The following TBC1D21 variants were observed in gnomAD, a reference collection of about 807,000 sequenced individuals.
TBC1D21 encodes the protein male germ cell Rab GTPase-activating protein.
TBC1D21 carries 38 observed loss-of-function variants against 46.0 expected under a neutral mutation model. That is an observed-to-expected ratio of 0.83 (90% CI 0.64 to 1.08). The LOEUF is 1.08. Among genes scored for constraint, TBC1D21 ranks in the 50% least tolerant of loss-of-function variants. TBC1D21 has a pLI of 0.00. For synonymous variants in TBC1D21, 151 were observed against 157.2 expected, an observed-to-expected ratio of 0.96 and a Z score of 0.29; for missense variants, 415 against 417.9, an observed-to-expected ratio of 0.99 and a Z score of 0.06.
rs748814829 is a variant in TBC1D21, at chr15:73,886,519, G to T, written c.684G>T (p.Lys228Asn). 118 of 1,613,580 alleles carry T rather than the reference G, an allele frequency of 7.3e-5. No individual in the cohort carries two copies. The highest frequency in any genetic ancestry group is 2.2e-4 in the Admixed American group (13 of 60,006). The change falls in exon 8 of 11, where the codon AAG (lysine) becomes AAT (asparagine). Residue 228 changes from lysine (K) to asparagine (N), a missense_variant. Physicochemically the swap from Lys to Asn is moderately conservative, Grantham distance 94. Coordinates refer to ENST00000300504, the MANE Select transcript of TBC1D21 (RefSeq NM_153356.3). ...DPVFAEHLKG[K>N]GAGAVQSLFP... ...CACCTTCTCTCCCCACAGAAGGGAAGGGTGCAGGGGCTGTGCAGTCCCTCT... is the reference window on the plus strand; with the variant it reads ...CACCTTCTCTCCCCACAGAAGGGAATGGTGCAGGGGCTGTGCAGTCCCTCT...
rs2068057275 is a variant in TBC1D21, at chr15:73,876,199, G to GGTC, written c.60+2430_60+2431insGTC. Among the ~76,000 whole-genome samples, 2 of 28,314 alleles carry GGTC rather than the reference G, an allele frequency of 7.1e-5. 1 individual carries two copies. The highest frequency in any genetic ancestry group is 3.7e-4 in the Non-Finnish European group (2 of 5,336). The allele number at this position is 28,314 out of a possible 152,430, so 18.6% of individuals were successfully genotyped here. A position where few individuals can be genotyped will look rare whatever the true frequency, so the allele number is the denominator to read the frequency against. ...GAAGAATCAGTGACTTTTTTTGTGG[G>GGTC]TTTTTTTTTTTTTTTTTTTTTTTTT... On this transcript the variant is annotated intron_variant, in intron 1 of 10. Transcript: ENST00000300504.
intron 1 of TBC1D21, among the ~76,000 whole-genome samples, chr15:73,880,304 C>CCACACA (rs57897774): frequency 0.061 from 9,070 of 149,180 alleles, 515 homozygotes; most frequent in East Asian, 0.26. Flanking sequence ...CAGATATATA[C>CCACACA]CACACACACA....
At chr15:73,878,103 T>C (rs11636136) in intron 1 of TBC1D21, among the ~76,000 whole-genome samples, 62,263 of 152,128 alleles carry the variant, frequency 0.41, 15,050 homozygotes, top group Middle Eastern at 0.6. Flanking sequence ...AAGGTATTCA[T>C]ACTTGAAAGG....
At position 73,873,644 on chromosome 15, in the gene TBC1D21, G is replaced by A. The variant is rs907739444; in HGVS notation, c.-66G>A. 2 of 1,540,552 alleles carry A rather than the reference G, an allele frequency of 1.3e-6. No individual in the cohort carries two copies. The highest frequency in any genetic ancestry group is 2.7e-5 in the African/African-American group (2 of 72,926). The stretch of plus-strand genomic sequence containing the variant: ...TGGGAATGCAACCCATCTCCGAAAA[G>A]GATTAAGCATCACTAGGGCTCCAAG... On this transcript the variant is annotated 5_prime_UTR_variant, in exon 1 of 11. Transcript: ENST00000300504.
At chr15:73,886,237 C>T (rs1034217389) in intron 7 of TBC1D21, 63 bp downstream of exon 7, 3 of 1,432,220 alleles carry the variant, frequency 2.1e-6, no homozygotes, top group African/African-American at 1.4e-5. Context: ...GGGCTGGGAC[C>T]CAACTGTCAG....
chr15:73,900,924 A>G, the TBC1D21 span, among the ~76,000 whole-genome samples: 2 of 152,352 alleles, frequency 1.3e-5, no homozygotes, highest in East Asian at 3.9e-4. Context: ...CTAGGATTAA[A>G]GACAGCAGTG....
the TBC1D21 span, among the ~76,000 whole-genome samples, chr15:73,902,329 C>G: frequency 6.6e-6 from 1 of 152,190 alleles, no homozygotes; most frequent in Non-Finnish European, 1.5e-5. Flanking sequence ...CACTCCATCA[C>G]AGGACGGTAG....
At chr15:73,882,720 G>A (rs1380947229) in intron 3 of TBC1D21, among the ~76,000 whole-genome samples, 2 of 152,200 alleles carry the variant, frequency 1.3e-5, no homozygotes, top group Non-Finnish European at 2.9e-5. Context: ...TAAAATGCAG[G>A]TAACAATCTA....
At chr15:73,904,148 G>C in the TBC1D21 span, among the ~76,000 whole-genome samples, 1 of 152,178 alleles carries the variant, frequency 6.6e-6, no homozygotes, top group African/African-American at 2.4e-5. Flanking sequence ...TCTAAGTCTA[G>C]AGGTCAGTGA....
the TBC1D21 span, chr15:73,908,284 T>A: frequency 6.6e-6 from 1 of 152,206 alleles, no homozygotes; most frequent in African/African-American, 2.4e-5. Flanking sequence ...CAGAGACAAT[T>A]TGATGAGTGT....
intron 9 of TBC1D21, 112 bp downstream of exon 9, chr15:73,887,848 T>C: frequency 1.2e-6 from 1 of 832,618 alleles, no homozygotes; most frequent in East Asian, 2.5e-5. Flanking sequence ...AGTGCCACCT[T>C]TTCCCCCCAG....
rs1438946929 is a variant in TBC1D21 at position 73,886,510 on chromosome 15, A to C, written c.677-2A>C. 1 of 1,613,588 alleles carries C rather than the reference A, an allele frequency of 6.2e-7. No homozygotes were observed. Among genetic ancestry groups the C allele is most frequent in the Non-Finnish European group, 8.5e-7 (1 of 1,179,854 alleles). ...CCACAGCCTCACCTTCTCTCCCCAC[A>C]GAAGGGAAGGGTGCAGGGGCTGTGC... is the stretch of plus-strand genomic sequence containing the variant. On this transcript the variant is annotated splice_acceptor_variant, in intron 7 of 10. Transcript: ENST00000300504. LOFTEE classifies it high-confidence loss of function.
At chr15:73,890,368 C>T (rs2068326764), downstream of TBC1D21, among the ~76,000 whole-genome samples, 1 of 152,204 alleles carries the variant, frequency 6.6e-6, no homozygotes, top group African/African-American at 2.4e-5. Flanking sequence ...GGCCTGTCCC[C>T]CCAGCAACAC....
chr15:73,883,839 A>G (rs1282144391), intron 3 of TBC1D21, among the ~76,000 whole-genome samples: 3 of 152,224 alleles, frequency 2.0e-5, no homozygotes, highest in African/African-American at 7.2e-5. Flanking sequence ...TTAGAGATGG[A>G]AAGTCGTGTC....
Position 73,889,204 on chromosome 15 carries a change from C to A in TBC1D21, c.*103C>A. 1 of 1,331,378 alleles carries A rather than the reference C, an allele frequency of 7.5e-7. No homozygotes were observed. The highest frequency in any genetic ancestry group is 1.1e-6 in the Non-Finnish European group (1 of 945,370). 82.5% of individuals were successfully genotyped at this position (1,331,378 alleles called of 1,614,324 possible). A position where few individuals can be genotyped will look rare whatever the true frequency, so the allele number is the denominator to read the frequency against. ...TAAAACAGCTGCAATATAAACAGTC[C>A]TCTGGAATAATGGTTTGTGGTGGAT... On this transcript the variant is annotated 3_prime_UTR_variant, in exon 11 of 11. Transcript: ENST00000300504.
At chr15:73,907,180 C>T in the TBC1D21 span, among the ~76,000 whole-genome samples, 1 of 152,084 alleles carries the variant, frequency 6.6e-6, no homozygotes, top group Non-Finnish European at 1.5e-5. Flanking sequence ...GCCCTCACTC[C>T]CCACCAGCTA....
At chr15:73,876,199 G>GGTGTTTTTTTTTTTTTTTTTTTTTTTT (rs2068057275) in intron 1 of TBC1D21, among the ~76,000 whole-genome samples, 1 of 28,314 alleles carries the variant, frequency 3.5e-5, no homozygotes, top group Non-Finnish European at 1.9e-4. Context: ...TTTTTTGTGG[G>GGTGTTTTTTTTTTTTTTTTTTTTTTTT]TTTTTTTTTT....
the TBC1D21 span, among the ~76,000 whole-genome samples, chr15:73,899,951 AG>A: frequency 2.6e-5 from 4 of 152,230 alleles, no homozygotes; most frequent in Non-Finnish European, 4.4e-5. Context: ...GACTGGGCCA[AG>A]GGCTTTGAGG....
the TBC1D21 span, among the ~76,000 whole-genome samples, chr15:73,904,991 T>C: frequency 6.6e-6 from 1 of 152,030 alleles, no homozygotes; most frequent in African/African-American, 2.4e-5. Context: ...TAGAAGAATT[T>C]AGCGACAAAA....
Sources: allele counts gnomAD v4.1 joint callset (sites outside exome capture counted in the v4.1 genomes callset), GRCh38; gene constraint gnomAD v4.1.1; transcripts MANE v1.5; gene names NCBI Gene and HGNC (gene_info 2026-07-23, HGNC 2026-07-21).